The following STIL variants were observed in gnomAD, a reference collection of about 807,000 sequenced individuals.
STIL encodes the protein STIL centriolar assembly protein, also known as SCL-interrupting locus protein.
Under a neutral mutation model 110.1 loss-of-function variants are expected in STIL, and 55 were observed. That is an observed-to-expected ratio of 0.50 (90% confidence interval 0.40 to 0.63). The LOEUF is 0.63. Among genes scored for constraint, STIL ranks in the 20% least tolerant of loss-of-function variants. STIL has a pLI of 0.00. For missense variants in STIL, 1,358 were observed against 1,530.0 expected (o/e 0.89, Z 1.87); for synonymous variants, 481 against 530.0 (o/e 0.91, Z 1.27).
intron 14 of STIL, among the ~76,000 whole-genome samples, chr1:47,268,307 G>A (rs1043397023): frequency 7.9e-5 from 12 of 152,070 alleles, no homozygotes; most frequent in Admixed American, 5.9e-4. Flanking sequence ...TTAGCTGGGC[G>A]TGGTGGCGCA....
Position 47,312,716 on chromosome 1 carries a change from T to C in STIL, c.-44+1320A>G, listed in dbSNP as rs116333702. 5.2e-3 allele frequency among the ~76,000 whole-genome samples: 794 copies of C among 152,338 alleles called. 2 individuals carry two copies. The highest frequency in any genetic ancestry group is 0.031 in the East Asian group (158 of 5,180). ...CATTTGGGTGAAAAGATGGATAATG[T>C]TGATTTCTTATTTTAAAACAATATA... On this transcript the variant is annotated intron_variant, in intron 1 of 16. Coordinates refer to ENST00000371877, the MANE Select transcript of STIL (RefSeq NM_001048166.1).
At chr1:47,311,855 G>A (rs774994803) in intron 1 of STIL, among the ~76,000 whole-genome samples, 1 of 151,200 alleles carries the variant, frequency 6.6e-6, no homozygotes, top group Non-Finnish European at 1.5e-5. Context: ...GAGACCAGCC[G>A]GGTCAACATG....
At chr1:47,298,847 G>A (rs1017834869) in intron 6 of STIL, among the ~76,000 whole-genome samples, 1 of 151,946 alleles carries the variant, frequency 6.6e-6, no homozygotes, top group East Asian at 2.0e-4. Flanking sequence ...AGGTTCAAGC[G>A]ATTCTCCTGC....
chr1:47,277,259 A>G (rs888861182), intron 12 of STIL, among the ~76,000 whole-genome samples: 5 of 152,190 alleles, frequency 3.3e-5, no homozygotes, highest in African/African-American at 1.2e-4. Flanking sequence ...TAAAGTACAA[A>G]AAGTTAAAGA....
rs148592489 is a variant in STIL, at chr1:47,251,308, C to T, written c.3695G>A (p.Arg1232Gln). The T allele has an allele frequency of 1.1e-4, 171 of 1,613,954 alleles. No individual in the cohort carries two copies. The African/African-American group carries it at 1.4e-3, about 13-fold the overall frequency. The change falls in exon 17 of 17, where the codon CGA (arginine) becomes CAA (glutamine). Residue 1232 changes from arginine (R) to glutamine (Q), a missense_variant. Coordinates refer to ENST00000371877, the MANE Select transcript of STIL (RefSeq NM_001048166.1). The part of the protein sequence containing the change: ...NLKPSPAVNL[R>Q]TGKAEFTQHP... ...TTGAGTGAACTCTGCTTTCCCGGTT[C>T]GAAGGTTCACTGCAGGACTTGGTTT...
intron 8 of STIL, among the ~76,000 whole-genome samples, chr1:47,290,120 T>C (rs892930169): frequency 1.3e-5 from 2 of 152,158 alleles, no homozygotes; most frequent in African/African-American, 2.4e-5. Context: ...ACTAATTATC[T>C]TGAAAAGTTA....
At chr1:47,285,910 T>C (rs1174048467) in intron 10 of STIL, among the ~76,000 whole-genome samples, 2 of 152,174 alleles carry the variant, frequency 1.3e-5, no homozygotes, top group African/African-American at 4.8e-5. Context: ...GGTCTTACTC[T>C]GTTGCCCAGG....
chr1:47,255,495 G>A (rs530804137), intron 16 of STIL, among the ~76,000 whole-genome samples: 2 of 147,790 alleles, frequency 1.4e-5, no homozygotes, highest in East Asian at 4.0e-4. Flanking sequence ...CTGCAGTTGA[G>A]CCATGATTGT....
At position 47,269,859 on chromosome 1, in the gene STIL, G is replaced by C; in HGVS notation, c.2391C>G (p.Ser797Arg). The C allele has an allele frequency of 6.2e-7, 1 of 1,613,682 alleles. No homozygotes were observed. Among genetic ancestry groups the C allele is most frequent in the Non-Finnish European group, 8.5e-7 (1 of 1,179,624 alleles). ...GVSIAVSTGA[S>R]LFWNAAGEDQ... ...CCTCACCTGCTGCATTCCAAAACAAGCTAGCACCTGGAGGTTAAATAATTT... is the reference window on the plus strand; with the variant it reads ...CCTCACCTGCTGCATTCCAAAACAACCTAGCACCTGGAGGTTAAATAATTT... The change falls in exon 14 of 17, where the codon AGC (serine) becomes AGG (arginine). Residue 797 changes from serine (S) to arginine (R), a missense_variant. Transcript: ENST00000371877.
chr1:47,309,958 C>T (rs1235796273), intron 2 of STIL, among the ~76,000 whole-genome samples: 7 of 152,108 alleles, frequency 4.6e-5, no homozygotes, highest in Non-Finnish European at 7.4e-5. Context: ...ATCTATATTA[C>T]GAAAATAATT....
Position 47,251,564 on chromosome 1 carries a change from C to G in STIL, c.3439G>C (p.Asp1147His). ...TTCAATAAATATTCACTCTTGCTAT[C>G]TGCATTGTCGGGAGGTTCCTCTTCA... ...EDEEEPPDNA[D>H]SKSEYLLNQN... The change falls in exon 17 of 17, where the codon GAT becomes CAT. Residue 1147 changes from aspartate (D) to histidine (H), a missense_variant. Transcript: ENST00000371877. The G allele has an allele frequency of 1.2e-6, 2 of 1,614,062 alleles. No individual in the cohort carries two copies. Among genetic ancestry groups the G allele is most frequent in the Non-Finnish European group, 1.7e-6 (2 of 1,179,950 alleles).
At chr1:47,262,161 C>T (rs1191609048) in intron 15 of STIL, among the ~76,000 whole-genome samples, 1 of 152,074 alleles carries the variant, frequency 6.6e-6, no homozygotes, top group East Asian at 1.9e-4. Context: ...CAGCCTAGGA[C>T]CTAGCAAGCA....
At chr1:47,270,083 A>C (rs577523029) in intron 13 of STIL, among the ~76,000 whole-genome samples, 2 of 151,950 alleles carry the variant, frequency 1.3e-5, no homozygotes, top group African/African-American at 2.4e-5. Flanking sequence ...CAAAAAAAAT[A>C]CAAAAAAATT....
In STIL at chr1:47,251,329, G is replaced by C; in HGVS notation, c.3674C>G (p.Pro1225Arg). 1 of 1,614,178 alleles carries C rather than the reference G, an allele frequency of 6.2e-7. No homozygotes were observed. The highest frequency in any genetic ancestry group is 2.2e-5 in the East Asian group (1 of 44,884). ...KPAFLVKNLK[P>R]SPAVNLRTGK... Reference sequence around the variant, plus strand: ...GGTTCGAAGGTTCACTGCAGGACTTGGTTTAAGGTTCTTTACTAAGAAAGC... The same window carrying C: ...GGTTCGAAGGTTCACTGCAGGACTTCGTTTAAGGTTCTTTACTAAGAAAGC... Residue 1225 changes from proline (P) to arginine (R), a missense_variant, in exon 17 of 17, where the codon CCA becomes CGA. By Grantham distance (103) the Pro-to-Arg change is moderately radical (BLOSUM62 -2). Coordinates refer to ENST00000371877, the MANE Select transcript of STIL (RefSeq NM_001048166.1).
At chr1:47,295,239 A>G (rs1645608850) in intron 7 of STIL, among the ~76,000 whole-genome samples, 1 of 152,044 alleles carries the variant, frequency 6.6e-6, no homozygotes, top group South Asian at 2.1e-4. Flanking sequence ...GCCTGGCCAT[A>G]GAATTAAGCT....
At chr1:47,293,357 T>C (rs1557757983) in intron 8 of STIL, 101 bp downstream of exon 8, 1 of 895,532 alleles carries the variant, frequency 1.1e-6, no homozygotes, top group Non-Finnish European at 1.8e-6. Context: ...TTTATAAGTA[T>C]TGTAAAAGGT....
At chr1:47,282,559 C>T in intron 10 of STIL, 100 bp from the exon 11 acceptor site, 1 of 720,822 alleles carries the variant, frequency 1.4e-6, no homozygotes, top group Non-Finnish European at 2.5e-6. Context: ...CAGTAGTACT[C>T]AGATCATTTA....
intron 9 of STIL, 151 bp from the exon 10 acceptor site, chr1:47,287,811 G>A: frequency 1.6e-6 from 1 of 620,292 alleles, no homozygotes. Flanking sequence ...CCAGTTCCCT[G>A]CTACATAAGT....
chr1:47,262,866 C>A, intron 15 of STIL, 37 bp downstream of exon 15: 1 of 1,592,898 alleles, frequency 6.3e-7, no homozygotes, highest in Non-Finnish European at 8.6e-7. Flanking sequence ...TACTAAATAA[C>A]CTTCTCAAAA....
Sources: allele counts gnomAD v4.1 joint callset (sites outside exome capture counted in the v4.1 genomes callset), GRCh38; gene constraint gnomAD v4.1.1; transcripts MANE v1.5; gene names NCBI Gene and HGNC (gene_info 2026-07-23, HGNC 2026-07-21).